The following MGAT4C variants were observed in gnomAD, a reference collection of about 807,000 sequenced individuals.
The protein encoded by MGAT4C is alpha-1,3-mannosyl-glycoprotein 4-beta-N-acetylglucosaminyltransferase C.
MGAT4C carries 19 observed loss-of-function variants against 40.1 expected under a neutral mutation model. That is an observed-to-expected ratio of 0.47 (90% CI 0.33 to 0.70). MGAT4C has a LOEUF of 0.70. Among genes scored for constraint, MGAT4C ranks in the 30% least tolerant of loss-of-function variants. The probability of loss-of-function intolerance (pLI) is 0.02; values close to 1 mark genes in which losing one functional copy is unlikely to be tolerated. For missense variants in MGAT4C, 491 were observed against 563.2 expected, an observed-to-expected ratio of 0.87 and a Z score of 1.30; for synonymous variants, 181 against 187.1, an observed-to-expected ratio of 0.97 and a Z score of 0.27.
chr12:86,110,208 A>C (rs1376979995), intron 1 of MGAT4C, among the ~76,000 whole-genome samples: 3 of 118,390 alleles, frequency 2.5e-5, no homozygotes, highest in Non-Finnish European at 5.7e-5. Context: ...GAAGTATCTT[A>C]AGCAAGTATA....
At chr12:86,057,718 G>T (rs766562912) in intron 1 of MGAT4C, among the ~76,000 whole-genome samples, 7 of 152,130 alleles carry the variant, frequency 4.6e-5, no homozygotes, top group Non-Finnish European at 8.8e-5. Flanking sequence ...CTCAAGGGCA[G>T]AAATCATAGC....
chr12:86,162,263 G>A (rs190644137), intron 1 of MGAT4C, among the ~76,000 whole-genome samples: 2 of 152,226 alleles, frequency 1.3e-5, no homozygotes, highest in East Asian at 3.9e-4. Context: ...ATCAATAATA[G>A]ACTGGATAAA....
Position 86,432,002 on chromosome 12 carries a change from G to A in MGAT4C, c.-120+3155C>T, listed in dbSNP as rs559334894. On this transcript the variant is annotated intron_variant, in intron 3 of 7. Coordinates refer to the MGAT4C transcript ENST00000548651. ...TATTAGGTCAACTATTGTGTCCTGAGGAACTCTTAAAAGTGTACTCCACTA... is the reference window on the plus strand; with the variant it reads ...TATTAGGTCAACTATTGTGTCCTGAAGAACTCTTAAAAGTGTACTCCACTA... Among the ~76,000 whole-genome samples, 29 of 152,112 alleles carry A rather than the reference G, an allele frequency of 1.9e-4. No individual in the cohort carries two copies. In the East Asian group the frequency reaches 4.8e-3, roughly 25 times the overall value.
chr12:86,577,707 GCTA>G (rs1960619017), intron 2 of MGAT4C, among the ~76,000 whole-genome samples: 1 of 151,592 alleles, frequency 6.6e-6, no homozygotes, highest in Non-Finnish European at 1.5e-5. Flanking sequence ...AATTTTGTTT[GCTA>G]CTATTTTATT....
At chr12:86,765,912 C>T (rs1951497674) in intron 1 of MGAT4C, among the ~76,000 whole-genome samples, 1 of 152,178 alleles carries the variant, frequency 6.6e-6, no homozygotes, top group Admixed American at 6.5e-5. Context: ...GCTGCAAAAT[C>T]ATGCCAAAAT....
intron 4 of MGAT4C, among the ~76,000 whole-genome samples, chr12:86,321,217 A>T (rs1954377626): frequency 6.6e-6 from 1 of 152,132 alleles, no homozygotes. Context: ...AAATTTGACA[A>T]TTAAGAGAAA....
chr12:86,312,190 C>T (rs1470936132), intron 4 of MGAT4C, among the ~76,000 whole-genome samples: 1 of 152,182 alleles, frequency 6.6e-6, no homozygotes, highest in East Asian at 1.9e-4. Context: ...CCTACTCTTT[C>T]CCTTGCACTT....
chr12:86,727,494 C>G (rs570020917), intron 1 of MGAT4C, among the ~76,000 whole-genome samples: 188 of 151,792 alleles, frequency 1.2e-3, no homozygotes, highest in Non-Finnish European at 1.0e-3. Context: ...TCAGATTTAC[C>G]ATTAGCTATC....
chr12:86,275,505 A>AG (rs1953054630), intron 4 of MGAT4C, among the ~76,000 whole-genome samples: 1 of 152,190 alleles, frequency 6.6e-6, no homozygotes, highest in Admixed American at 6.5e-5. Flanking sequence ...GAACCTGGGA[A>AG]TATGTTACCT....
intron 1 of MGAT4C, among the ~76,000 whole-genome samples, chr12:86,764,825 C>T (rs1440872801): frequency 1.3e-5 from 2 of 152,088 alleles, no homozygotes; most frequent in African/African-American, 2.4e-5. Context: ...AGAAGGAAAA[C>T]TAACAAACAG....
chr12:86,045,927 T>A (rs901622046), intron 2 of MGAT4C, among the ~76,000 whole-genome samples: 4 of 152,210 alleles, frequency 2.6e-5, no homozygotes, highest in Non-Finnish European at 5.9e-5. Context: ...TCGTGTATTT[T>A]ATTAGTGTGA....
intron 4 of MGAT4C, among the ~76,000 whole-genome samples, chr12:86,270,319 G>T (rs1342159626): frequency 6.6e-6 from 1 of 151,982 alleles, no homozygotes; most frequent in Non-Finnish European, 1.5e-5. Context: ...GACCTCAGGT[G>T]ATCCGCCCGC....
chr12:86,366,430 T>C (rs926598008), intron 3 of MGAT4C, among the ~76,000 whole-genome samples: 3 of 152,172 alleles, frequency 2.0e-5, no homozygotes, highest in Non-Finnish European at 4.4e-5. Context: ...TTGAAGGAAA[T>C]GGTTCTGTAG....
chr12:86,191,632 A>C (rs981732178), intron 1 of MGAT4C, among the ~76,000 whole-genome samples: 4 of 121,918 alleles, frequency 3.3e-5, no homozygotes, highest in Non-Finnish European at 7.1e-5. Flanking sequence ...CAAAAAACAA[A>C]ACACACACAC....
chr12:86,127,089 G>A lies in MGAT4C; in HGVS notation c.-56-77366C>T, dbSNP rs929803611. On this transcript the variant is annotated intron_variant, in intron 1 of 4. Coordinates refer to ENST00000611864, the MANE Select transcript of MGAT4C (RefSeq NM_001351288.2). ...GGAGCAGTAATGCTTACTAGCTGGC[G>A]GCTCACCACCTGCTGTGTGACCCAG... 1.4e-4 allele frequency among the ~76,000 whole-genome samples: 21 copies of A among 152,126 alleles called. 1 individual carries two copies. Among genetic ancestry groups the A allele is most frequent in the African/African-American group, 4.6e-4 (19 of 41,426 alleles).
intron 2 of MGAT4C, among the ~76,000 whole-genome samples, chr12:86,561,507 G>C (rs1959861887): frequency 6.6e-6 from 1 of 152,180 alleles, no homozygotes; most frequent in African/African-American, 2.4e-5. Context: ...GATGTTTCCT[G>C]CCCTTGTACA....
intron 2 of MGAT4C, among the ~76,000 whole-genome samples, chr12:85,998,518 C>T (rs927952006): frequency 6.6e-6 from 1 of 152,178 alleles, no homozygotes; most frequent in Non-Finnish European, 1.5e-5. Context: ...ATGCCTTTAA[C>T]AGCACACAAG....
chr12:86,269,768 G>A (rs1236376765), intron 4 of MGAT4C, among the ~76,000 whole-genome samples: 2 of 151,910 alleles, frequency 1.3e-5, no homozygotes, highest in Non-Finnish European at 2.9e-5. Context: ...TATTAATGGA[G>A]GAAAGAATGC....
At chr12:86,000,792 T>A in intron 2 of MGAT4C, among the ~76,000 whole-genome samples, 1 of 151,874 alleles carries the variant, frequency 6.6e-6, no homozygotes, top group Non-Finnish European at 1.5e-5. Flanking sequence ...TAAACATAGC[T>A]AACCCAGATT....
Sources: gnomAD v4.1 joint callset for allele counts (sites outside exome capture counted in the v4.1 genomes callset) on GRCh38, gnomAD v4.1.1 for gene constraint, MANE v1.5 for transcripts, NCBI Gene and HGNC (gene_info 2026-07-23, HGNC 2026-07-21) for gene names.